The following CEP120 variants were observed in gnomAD, a reference collection of about 807,000 sequenced individuals.
CEP120 encodes the protein centrosomal protein 120.
A neutral mutation model predicts 126.5 loss-of-function variants in CEP120; 113 were observed. The observed-to-expected ratio is 0.89, with a 90% CI of 0.77 to 1.04. The LOEUF (loss-of-function observed/expected upper bound fraction) is 1.04. Among genes scored for constraint, CEP120 ranks in the 50% least tolerant of loss-of-function variants. The pLI is 0.00. For missense variants in CEP120, 1,230 were observed against 1,155.7 expected, an observed-to-expected ratio of 1.06 and a Z score of -0.93; for synonymous variants, 400 against 394.3, an observed-to-expected ratio of 1.01 and a Z score of -0.17.
Position 123,369,665 on chromosome 5 carries a change from C to T in CEP120, c.2481+2985G>A, listed in dbSNP as rs982386339. On this transcript the variant is annotated intron_variant, in intron 17 of 19. Transcript: ENST00000306467. The stretch of plus-strand genomic sequence containing the variant: ...CTAGCTCCTTCTCTTCTCACAGATC[C>T]CAATTAAAATGTTAGTTACCCTCCT... Among the ~76,000 whole-genome samples the T allele has an allele frequency of 2.0e-5, 3 of 151,952 alleles. No individual in the cohort carries two copies. In the South Asian group the frequency reaches 6.2e-4, roughly 32 times the overall value.
chr5:123,423,105 G>A lies in CEP120; in HGVS notation c.-107C>T. ...GCGGGACCCCCACTGCCCGCCCCCG[G>A]TCCCTGATGCCCGGACCCCGCTCCG... On this transcript the variant is annotated 5_prime_UTR_variant, in exon 1 of 20. Transcript: ENST00000306467. 1 of 916,494 alleles carries A rather than the reference G, an allele frequency of 1.1e-6. No individual in the cohort carries two copies. 56.8% of individuals were successfully genotyped at this position (916,494 alleles called of 1,614,324 possible). A position where few individuals can be genotyped will look rare whatever the true frequency, so the allele number is the denominator to read the frequency against.
At position 123,402,302 on chromosome 5, in the gene CEP120, G is replaced by C; in HGVS notation, c.464-3018C>G. On this transcript the variant is annotated intron_variant, in intron 4 of 19. Transcript: ENST00000306467. ...GGCTGCTGAAGGCCCGGGGGCCAGA[G>C]GTGGACACCTTGTAGGACTTCTGGG... 2.1e-6 allele frequency: 3 copies of C among 1,462,718 alleles called. No individual in the cohort carries two copies. The South Asian group carries it at 3.9e-5, about 19-fold the overall frequency. 90.6% of individuals were successfully genotyped at this position (1,462,718 alleles called of 1,614,324 possible).
At position 123,377,413 on chromosome 5, in the gene CEP120, G is replaced by C; in HGVS notation, c.2319C>G (p.Ile773Met). 1 of 1,611,004 alleles carries C rather than the reference G, an allele frequency of 6.2e-7. No individual in the cohort carries two copies. The highest frequency in any genetic ancestry group is 8.5e-7 in the Non-Finnish European group (1 of 1,179,052). ...IHQVELERLK[I>M]KQLEEDKHRL... Reference sequence around the variant, plus strand: ...GGTGTTTATCCTCTTCGAGCTGTTTGATTTTTAACCTTTCTAGTTCTACTT... The same window carrying C: ...GGTGTTTATCCTCTTCGAGCTGTTTCATTTTTAACCTTTCTAGTTCTACTT... Residue 773 changes from isoleucine (I) to methionine (M), a missense_variant, in exon 16 of 20, where the codon ATC becomes ATG. Physicochemically the swap from Ile to Met is conservative, Grantham distance 10. Transcript: ENST00000306467.
intron 4 of CEP120, chr5:123,401,725 G>A: frequency 3.1e-6 from 4 of 1,297,380 alleles, no homozygotes; most frequent in South Asian, 1.2e-5. Flanking sequence ...GCTCTACCTT[G>A]TTAATGTAAG....
chr5:123,383,028 TC>T lies in CEP120; in HGVS notation c.1817del (p.Gly606AspfsTer2). 6.3e-7 allele frequency: 1 copy of T among 1,589,366 alleles called. No individual in the cohort carries two copies. Among genetic ancestry groups the T allele is most frequent in the Non-Finnish European group, 8.6e-7 (1 of 1,159,304 alleles). On this transcript the variant is annotated frameshift_variant, in exon 12 of 20. Transcript: ENST00000306467. LOFTEE classifies it high-confidence loss of function. ...LSYTVTLEDY[G>X]LVKMREIFIS... ...TAAAAATCTCACGCATTTTTACTAG[TC>T]CATAATCTTCTAGAGTCACTGTGTA...
Position 123,382,092 on chromosome 5 carries a change from CT to C in CEP120, c.2103+18del. The stretch of plus-strand genomic sequence containing the variant: ...TTAATATTCTTCCTTCTCTTCCTCA[CT>C]TTTACACAAGTTATTACCTTTTTCT... On this transcript the variant is annotated intron_variant, in intron 14 of 19. Coordinates refer to ENST00000306467, the MANE Select transcript of CEP120 (RefSeq NM_001375405.1). The C allele has an allele frequency of 6.0e-6, 9 of 1,506,948 alleles. No homozygotes were observed. The highest frequency in any genetic ancestry group is 8.2e-6 in the Non-Finnish European group (9 of 1,093,932). 93.3% of individuals were successfully genotyped at this position (1,506,948 alleles called of 1,614,324 possible). A position where few individuals can be genotyped will look rare whatever the true frequency, so the allele number is the denominator to read the frequency against.
intron 5 of CEP120, among the ~76,000 whole-genome samples, chr5:123,396,247 T>C (rs765268779): frequency 1.3e-5 from 2 of 152,184 alleles, no homozygotes; most frequent in Non-Finnish European, 2.9e-5. Flanking sequence ...TCATGTATAG[T>C]ATTGCTATAA....
In CEP120 at chr5:123,388,600, G is replaced by C. The variant is rs1473821278; in HGVS notation, c.1262C>G (p.Ser421Cys). 1.9e-6 allele frequency: 3 copies of C among 1,569,462 alleles called. No individual in the cohort carries two copies. Among genetic ancestry groups the C allele is most frequent in the Non-Finnish European group, 2.6e-6 (3 of 1,162,958 alleles). ...CTGGGCCAGTGAAGCAGGTACAGAA[G>C]AACTGGCTGAAATGAACATAAAATA... ...KDTKPNPKAS[S>C]SVPASLAQLV... The change falls in exon 9 of 20, where the codon TCT becomes TGT. Residue 421 changes from serine (S) to cysteine (C), a missense_variant. Coordinates refer to ENST00000306467, the MANE Select transcript of CEP120 (RefSeq NM_001375405.1).
chr5:123,387,975 A>T (rs565517471), intron 9 of CEP120, among the ~76,000 whole-genome samples: 1 of 152,170 alleles, frequency 6.6e-6, no homozygotes, highest in African/African-American at 2.4e-5. Context: ...AGCTCCCATT[A>T]TAATACAGTT....
At chr5:123,414,923 G>C (rs1774285499) in intron 3 of CEP120, among the ~76,000 whole-genome samples, 4 of 129,286 alleles carry the variant, frequency 3.1e-5, no homozygotes, top group African/African-American at 1.2e-4. Flanking sequence ...AGTGAGCCGA[G>C]ATCGTGCCAC....
intron 5 of CEP120, among the ~76,000 whole-genome samples, chr5:123,397,700 T>C (rs1255359239): frequency 6.6e-6 from 1 of 152,246 alleles, no homozygotes; most frequent in Non-Finnish European, 1.5e-5. Context: ...AATCTTTACC[T>C]GATGTACCTT....
In CEP120 at chr5:123,349,941, T is replaced by C. The variant is rs765478323; in HGVS notation, c.2726+3A>G. 5.0e-6 allele frequency: 8 copies of C among 1,612,542 alleles called. No individual in the cohort carries two copies. Among genetic ancestry groups the C allele is most frequent in the Middle Eastern group, 1.7e-4 (1 of 6,048 alleles). On this transcript the variant is annotated splice_donor_region_variant and intron_variant, in intron 19 of 19. Transcript: ENST00000306467. Reference sequence around the variant, plus strand: ...TTGAAAGAAACACTTTTAGTTATTATACCTGTTCAATTCATTTCTTATATC... The same window carrying C: ...TTGAAAGAAACACTTTTAGTTATTACACCTGTTCAATTCATTTCTTATATC...
At chr5:123,405,378 C>T (rs1268950982) in intron 4 of CEP120, among the ~76,000 whole-genome samples, 1 of 152,238 alleles carries the variant, frequency 6.6e-6, no homozygotes, top group East Asian at 1.9e-4. Flanking sequence ...TTCCCTCATT[C>T]TTCTGGCATA....
At chr5:123,363,098 CTATGCTTTCCCACTT>C (rs1176284833) in intron 18 of CEP120, among the ~76,000 whole-genome samples, 1 of 151,562 alleles carries the variant, frequency 6.6e-6, no homozygotes, top group African/African-American at 2.4e-5. Flanking sequence ...TAAGAACAGC[CTATGCTTTCCCACTT>C]CATGCCTCTT....
Position 123,423,086 on chromosome 5 carries a change from C to A in CEP120, c.-88G>T, listed in dbSNP as rs1335293120. 1.8e-6 allele frequency: 2 copies of A among 1,105,180 alleles called. No individual in the cohort carries two copies. The highest frequency in any genetic ancestry group is 1.5e-5 in the African/African-American group (1 of 64,958). The allele number at this position is 1,105,180 out of a possible 1,614,324, so 68.5% of individuals were successfully genotyped here. ...GGGTAATCCGGGACCCCCGGCGGGACCCCCACTGCCCGCCCCCGGTCCCTG... is the reference window on the plus strand; with the variant it reads ...GGGTAATCCGGGACCCCCGGCGGGAACCCCACTGCCCGCCCCCGGTCCCTG... On this transcript the variant is annotated 5_prime_UTR_variant, in exon 1 of 20. Transcript: ENST00000306467.
intron 17 of CEP120, among the ~76,000 whole-genome samples, chr5:123,367,642 A>C (rs950758814): frequency 1.3e-5 from 2 of 151,940 alleles, no homozygotes; most frequent in Non-Finnish European, 2.9e-5. Context: ...CCAAAATCCA[A>C]AAAATCTAAA....
chr5:123,412,348 A>G (rs769793941), intron 4 of CEP120, 51 bp downstream of exon 4: 1 of 1,549,518 alleles, frequency 6.5e-7, no homozygotes, highest in Non-Finnish European at 8.7e-7. Flanking sequence ...CTAAAGCTCT[A>G]GTCCAAAGAT....
At chr5:123,414,810 CA>C (rs566160292) in intron 3 of CEP120, among the ~76,000 whole-genome samples, 101 of 142,036 alleles carry the variant, frequency 7.1e-4, no homozygotes, top group African/African-American at 8.7e-4. Context: ...ACTAAAAATT[CA>C]AAAAAAAAAA....
In CEP120 at chr5:123,382,986, C is replaced by G. The variant is rs768499816; in HGVS notation, c.1860G>C (p.Gln620His). The change falls in exon 12 of 20, where the codon CAG becomes CAC. Residue 620 changes from glutamine (Q) to histidine (H), a missense_variant and splice_region_variant. Coordinates refer to ENST00000306467, the MANE Select transcript of CEP120 (RefSeq NM_001375405.1). ...TTTGATAACATTCAATTATATTTACCTGAGATGAATCAGAGATAAAAATCT... is the reference window on the plus strand; with the variant it reads ...TTTGATAACATTCAATTATATTTACGTGAGATGAATCAGAGATAAAAATCT... ...MREIFISDSSQGVSAVQQKPS... is the reference protein window; with the variant it reads ...MREIFISDSSHGVSAVQQKPS... The G allele has an allele frequency of 1.3e-6, 2 of 1,598,808 alleles. No individual in the cohort carries two copies. The highest frequency in any genetic ancestry group is 1.7e-5 in the Admixed American group (1 of 58,854).
Sources: gnomAD v4.1 joint callset for allele counts (sites outside exome capture counted in the v4.1 genomes callset) on GRCh38, gnomAD v4.1.1 for gene constraint, MANE v1.5 for transcripts, NCBI Gene and HGNC (gene_info 2026-07-23, HGNC 2026-07-21) for gene names.